Variants in SPAST observed in about 807,000 individuals in gnomAD.
The protein encoded by SPAST is spastic paraplegia 4 (autosomal dominant; spastin).
A neutral mutation model predicts 76.6 loss-of-function variants in SPAST; 30 were observed. That is an observed-to-expected ratio of 0.39 (90% CI 0.29 to 0.53). SPAST has a LOEUF of 0.53. Among genes scored for constraint, SPAST ranks in the 20% least tolerant of loss-of-function variants. SPAST has a pLI of 0.68. For synonymous variants in SPAST, 305 were observed against 281.0 expected, an observed-to-expected ratio of 1.09 and a Z score of -0.86; for missense variants, 717 against 770.5, an observed-to-expected ratio of 0.93 and a Z score of 0.82.
chr2:32,156,534 C>T lies in SPAST; in HGVS notation c.*2038C>T, dbSNP rs1346088871. On this transcript the variant is annotated 3_prime_UTR_variant, in exon 17 of 17. Transcript: ENST00000315285. ...TATCCCTTTAAGGTCTCAAACATTA[C>T]AACATCAATTATGAAATACTGATAA... 1 of 151,900 alleles carries T rather than the reference C, an allele frequency of 6.6e-6. No individual in the cohort carries two copies. The highest frequency in any genetic ancestry group is 2.4e-5 in the African/African-American group (1 of 41,332). 9.4% of individuals were successfully genotyped at this position (151,900 alleles called of 1,614,324 possible). A position where few individuals can be genotyped will look rare whatever the true frequency, so the allele number is the denominator to read the frequency against.
At position 32,064,208 on chromosome 2, in the gene SPAST, A is replaced by T. The variant is rs781065348; in HGVS notation, c.377A>T (p.Tyr126Phe). ...VRVFHKQAFE[Y>F]ISIALRIDED... ...GTCTTCCACAAACAGGCCTTCGAGT[A>T]CATCTCCATTGCCCTGCGCATCGAT... The change falls in exon 1 of 17, where the codon TAC becomes TTC. Residue 126 changes from tyrosine (Y) to phenylalanine (F), a missense_variant. Transcript: ENST00000315285. 14 of 1,550,080 alleles carry T rather than the reference A, an allele frequency of 9.0e-6. No individual in the cohort carries two copies. Among genetic ancestry groups the T allele is most frequent in the Non-Finnish European group, 1.2e-5 (14 of 1,147,862 alleles).
At chr2:32,147,580 G>T (rs1290559075) in intron 16 of SPAST, among the ~76,000 whole-genome samples, 1 of 152,038 alleles carries the variant, frequency 6.6e-6, no homozygotes, top group Non-Finnish European at 1.5e-5. Context: ...GCCTCCCAAA[G>T]TGCTGGGATT....
chr2:32,146,779 C>G (rs866321443), intron 15 of SPAST, among the ~76,000 whole-genome samples: 1 of 139,160 alleles, frequency 7.2e-6, no homozygotes, highest in Non-Finnish European at 1.5e-5. Flanking sequence ...GCAGGAGTAT[C>G]GCTTGAACCT....
chr2:32,108,859 G>A (rs1287195338), intron 4 of SPAST, among the ~76,000 whole-genome samples: 8 of 135,902 alleles, frequency 5.9e-5, no homozygotes, highest in East Asian at 2.4e-4. Context: ...TCTGCCTCCC[G>A]GGTTCAACCC....
chr2:32,098,068 ATC>A (rs1464405997), intron 3 of SPAST, among the ~76,000 whole-genome samples: 1 of 152,096 alleles, frequency 6.6e-6, no homozygotes, highest in African/African-American at 2.4e-5. Flanking sequence ...TTTTTCAGTG[ATC>A]TTTCTTTTGT....
At chr2:32,116,795 T>G (rs900282465) in intron 7 of SPAST, among the ~76,000 whole-genome samples, 1 of 152,098 alleles carries the variant, frequency 6.6e-6, no homozygotes, top group Non-Finnish European at 1.5e-5. Flanking sequence ...GAGAGAGATT[T>G]AAAATTAAGA....
chr2:32,114,916 T>A (rs1391177915), intron 5 of SPAST, 91 bp downstream of exon 5: 6 of 909,376 alleles, frequency 6.6e-6, no homozygotes, highest in Non-Finnish European at 1.1e-5. Flanking sequence ...CATAAGTACT[T>A]TATAATACTT....
chr2:32,075,547 CT>C (rs773998404), intron 1 of SPAST, among the ~76,000 whole-genome samples: 33 of 85,518 alleles, frequency 3.9e-4, no homozygotes, highest in African/African-American at 8.4e-4. Flanking sequence ...TGGCTTTTTT[CT>C]TTTTTTTTTT....
At chr2:32,129,460 C>T (rs950474934) in intron 9 of SPAST, 2 of 152,038 alleles carry the variant, frequency 1.3e-5, no homozygotes, top group Non-Finnish European at 2.9e-5. Flanking sequence ...TCTGCTGACC[C>T]TATAGTATTA....
chr2:32,140,337 C>T (rs1211331198), intron 12 of SPAST, among the ~76,000 whole-genome samples: 1 of 152,136 alleles, frequency 6.6e-6, no homozygotes, highest in African/African-American at 2.4e-5. Flanking sequence ...TATGTTATTT[C>T]CATAAGCTCT....
At chr2:32,147,196 G>A (rs1192184884) in intron 15 of SPAST, 22 bp from the exon 16 acceptor site, 1 of 1,592,626 alleles carries the variant, frequency 6.3e-7, no homozygotes, top group South Asian at 1.1e-5. Flanking sequence ...ATTTTTAAGT[G>A]CCTGACTTTT....
chr2:32,088,513 G>A (rs757019242), intron 2 of SPAST, among the ~76,000 whole-genome samples: 4 of 152,122 alleles, frequency 2.6e-5, no homozygotes, highest in African/African-American at 4.8e-5. Context: ...GCGTGGTGTC[G>A]CGCACCTGTA....
rs1189374970 is a variant in SPAST, at chr2:32,128,415, C to T, written c.1181C>T (p.Ala394Val). The T allele has an allele frequency of 6.2e-7, 1 of 1,608,352 alleles. No individual in the cohort carries two copies. The highest frequency in any genetic ancestry group is 8.5e-7 in the Non-Finnish European group (1 of 1,174,992). The change falls in exon 9 of 17, where the codon GCA (alanine) becomes GTA (valine). Residue 394 changes from alanine to valine, a missense_variant. This residue lies in a region of SPAST where 78 missense variants were observed against 197.6 expected (regional missense o/e 0.39). Coordinates refer to ENST00000315285, the MANE Select transcript of SPAST (RefSeq NM_014946.4). ...CTCTTGTGATTTTTAAAGGCTAAAG[C>T]AGTAGCTGCAGAATCGAATGCAACC... ...PGNGKTMLAK[A>V]VAAESNATFF...
chr2:32,092,088 A>G (rs1472096866), intron 3 of SPAST, among the ~76,000 whole-genome samples: 1 of 152,166 alleles, frequency 6.6e-6, no homozygotes, highest in Non-Finnish European at 1.5e-5. Context: ...ACACATACAT[A>G]TACATTTTAT....
intron 1 of SPAST, among the ~76,000 whole-genome samples, chr2:32,075,268 AAAAC>A (rs1308252100): frequency 6.6e-6 from 1 of 151,468 alleles, no homozygotes; most frequent in African/African-American, 2.4e-5. Flanking sequence ...TAAAAATACA[AAAAC>A]AAAATTAGCC....
intron 4 of SPAST, among the ~76,000 whole-genome samples, chr2:32,104,438 T>C (rs978785370): frequency 6.6e-6 from 1 of 152,206 alleles, no homozygotes; most frequent in African/African-American, 2.4e-5. Context: ...ATTGGAGCAT[T>C]TAGCCCATTT....
chr2:32,126,933 G>A lies in SPAST; in HGVS notation c.1099-15G>A, dbSNP rs1253553785. ...TCTAGAATCATAGTTGTAAACTAAA[G>A]TATATATTTTTTAGTTGTTCACAGG... On this transcript the variant is annotated splice_polypyrimidine_tract_variant and intron_variant, in intron 7 of 16. Coordinates refer to ENST00000315285, the MANE Select transcript of SPAST (RefSeq NM_014946.4). The A allele has an allele frequency of 1.9e-6, 3 of 1,557,244 alleles. No individual in the cohort carries two copies. The highest frequency in any genetic ancestry group is 2.7e-5 in the African/African-American group (2 of 73,930).
At chr2:32,108,949 A>G (rs913017711) in intron 4 of SPAST, among the ~76,000 whole-genome samples, 5 of 151,476 alleles carry the variant, frequency 3.3e-5, no homozygotes, top group Non-Finnish European at 5.9e-5. Context: ...TATTCTTAGT[A>G]GAAACAGAGT....
At chr2:32,153,194 T>C (rs566071622) in intron 16 of SPAST, among the ~76,000 whole-genome samples, 1 of 152,318 alleles carries the variant, frequency 6.6e-6, no homozygotes, top group Non-Finnish European at 1.5e-5. Context: ...AAAATACGGA[T>C]AAATACCAGT....
Sources: gnomAD v4.1 joint callset for allele counts (sites outside exome capture counted in the v4.1 genomes callset) on GRCh38, gnomAD v4.1.1 for gene constraint, gnomAD v4.1.1 regional missense constraint, MANE v1.5 for transcripts, NCBI Gene and HGNC (gene_info 2026-07-23, HGNC 2026-07-21) for gene names.